PDGFRA: variants seen among roughly 807,000 people sequenced by gnomAD.
PDGFRA encodes the protein platelet derived growth factor receptor alpha.
Under a neutral mutation model 121.5 loss-of-function variants are expected in PDGFRA, and 25 were observed. That is an observed-to-expected ratio of 0.21 (90% CI 0.15 to 0.29). The LOEUF is 0.29. Ranked by LOEUF, PDGFRA falls within the 10% of genes least tolerant of loss-of-function variation. The pLI, the probability that PDGFRA is intolerant of heterozygous loss-of-function variation, is 1.00. For missense variants in PDGFRA, 1,008 were observed against 1,345.1 expected (o/e 0.75, Z 3.92); for synonymous variants, 463 against 494.8 (o/e 0.94, Z 0.85).
chr4:54,246,963 A>G (rs1577684420), intron 1 of PDGFRA, among the ~76,000 whole-genome samples: 1 of 152,202 alleles, frequency 6.6e-6, no homozygotes, highest in East Asian at 1.9e-4. Context: ...AAACTAGAAA[A>G]TCTAGAAGAA....
Position 54,295,179 on chromosome 4 carries a change from C to T in PDGFRA, c.3177C>T (p.Phe1059=), listed in dbSNP as rs995196679. ...AIETGSSSST[F]IKREDETIED... ...AGACGGGTTCCAGCAGTTCCACCTT[C>T]ATCAAGAGAGAGGACGAGACCATTG... is the stretch of plus-strand genomic sequence containing the variant. Residue 1059 remains phenylalanine (F), a synonymous_variant, in exon 23 of 23, where the codon TTC becomes TTT. Transcript: ENST00000257290. 5.6e-6 allele frequency: 9 copies of T among 1,613,956 alleles called. No homozygotes were observed. Among genetic ancestry groups the T allele is most frequent in the Non-Finnish European group, 6.8e-6 (8 of 1,179,850 alleles).
At chr4:54,279,449 T>G (rs2110320321) in intron 15 of PDGFRA, among the ~76,000 whole-genome samples, 1 of 152,266 alleles carries the variant, frequency 6.6e-6, no homozygotes. Context: ...ATCAAGTCAT[T>G]TTCCTTACAA....
intron 7 of PDGFRA, among the ~76,000 whole-genome samples, chr4:54,270,065 C>T (rs1226900026): frequency 6.6e-6 from 1 of 152,078 alleles, no homozygotes; most frequent in Non-Finnish European, 1.5e-5. Context: ...CCCAGTTCTC[C>T]CCTCCTCCCC....
At chr4:54,240,406 G>A (rs1721238315) in intron 1 of PDGFRA, among the ~76,000 whole-genome samples, 1 of 152,146 alleles carries the variant, frequency 6.6e-6, no homozygotes. Context: ...TTGGCATTTG[G>A]TGTGGGGACC....
In PDGFRA at chr4:54,263,874, C is replaced by G. The variant is rs1273444748; in HGVS notation, c.575C>G (p.Thr192Ser). 6.2e-7 allele frequency: 1 copy of G among 1,613,908 alleles called. No individual in the cohort carries two copies. The change falls in exon 4 of 23, where the codon ACC becomes AGC. Residue 192 changes from threonine (T) to serine (S), a missense_variant. Thr to Ser is a moderately conservative substitution (Grantham distance 58, BLOSUM62 1). Coordinates refer to ENST00000257290, the MANE Select transcript of PDGFRA (RefSeq NM_006206.6). Reference sequence around the variant, plus strand: ...GTAGGGCCCTATATCTGTGAGGCCACCGTCAAAGGAAAGAAGTTCCAGACC... The same window carrying G: ...GTAGGGCCCTATATCTGTGAGGCCAGCGTCAAAGGAAAGAAGTTCCAGACC... ...FTVGPYICEA[T>S]VKGKKFQTIP...
intron 22 of PDGFRA, among the ~76,000 whole-genome samples, chr4:54,294,799 C>T (rs1461061786): frequency 6.6e-6 from 1 of 152,230 alleles, no homozygotes; most frequent in Admixed American, 6.5e-5. Context: ...TCACCCCCTG[C>T]TCTGCCTTCC....
intron 21 of PDGFRA, among the ~76,000 whole-genome samples, chr4:54,289,768 T>C (rs1281012240): frequency 6.6e-6 from 1 of 152,228 alleles, no homozygotes; most frequent in Non-Finnish European, 1.5e-5. Flanking sequence ...GTCTGTTAAT[T>C]ATCTCACTGC....
intron 1 of PDGFRA, among the ~76,000 whole-genome samples, chr4:54,257,050 A>G (rs1722412317): frequency 6.6e-6 from 1 of 152,130 alleles, no homozygotes; most frequent in South Asian, 2.1e-4. Flanking sequence ...AAAAAACCCC[A>G]AAAACCTAGG....
intron 8 of PDGFRA, among the ~76,000 whole-genome samples, chr4:54,271,956 C>CA (rs1457384466): frequency 1.3e-3 from 11 of 8,314 alleles, no homozygotes; most frequent in Non-Finnish European, 2.1e-3. Context: ...TTCCTTCATT[C>CA]TCCCCTCCCC....
At chr4:54,274,671 A>G (rs2110297585) in intron 11 of PDGFRA, 46 bp downstream of exon 11, 1 of 1,517,020 alleles carries the variant, frequency 6.6e-7, no homozygotes, top group Non-Finnish European at 9.2e-7. Context: ...GCCAATGAGA[A>G]CAAGCATAGC....
At position 54,281,748 on chromosome 4, in the gene PDGFRA, G is replaced by A. The variant is rs183893622; in HGVS notation, c.2323+1266G>A. 1.3e-5 allele frequency: 18 copies of A among 1,352,026 alleles called. No homozygotes were observed. In the East Asian group the frequency reaches 4.2e-4, roughly 32 times the overall value. 83.8% of individuals were successfully genotyped at this position (1,352,026 alleles called of 1,614,324 possible). On this transcript the variant is annotated intron_variant, in intron 16 of 22. Coordinates refer to ENST00000257290, the MANE Select transcript of PDGFRA (RefSeq NM_006206.6). ...TTGCTGAACATTTTCAAAAAGAATT[G>A]AGAACTTCTGGATTAAATTGCCTTC... is the stretch of plus-strand genomic sequence containing the variant.
chr4:54,263,625 A>G (rs759824391), intron 3 of PDGFRA, 42 bp from the exon 4 acceptor site: 3 of 1,598,246 alleles, frequency 1.9e-6, no homozygotes, highest in South Asian at 2.2e-5. Flanking sequence ...GTAAAGGTGA[A>G]ATTAATGTCT....
chr4:54,280,607 T>G (rs947622208), intron 16 of PDGFRA, 125 bp downstream of exon 16: 68 of 741,982 alleles, frequency 9.2e-5, no homozygotes, highest in Middle Eastern at 5.3e-4. Flanking sequence ...GGTCTCTAAA[T>G]GCAGGTCTGC....
Position 54,273,585 on chromosome 4 carries a change from C to T in PDGFRA, c.1413C>T (p.Asn471=), listed in dbSNP as rs2110291733. The part of the protein sequence containing the change: ...SWTILANNVS[N]IITEIHSRDR... ...CTATTTTGGCCAACAATGTCTCAAA[C>T]ATCATCACGGAGATCCACTCCCGAG... Residue 471 remains asparagine (N), a synonymous_variant, in exon 10 of 23, where the codon AAC becomes AAT. Transcript: ENST00000257290. 2 of 1,614,136 alleles carry T rather than the reference C, an allele frequency of 1.2e-6. No individual in the cohort carries two copies. The highest frequency in any genetic ancestry group is 1.7e-6 in the Non-Finnish European group (2 of 1,180,000).
At chr4:54,271,058 C>T (rs1273334216) in intron 8 of PDGFRA, among the ~76,000 whole-genome samples, 1 of 152,136 alleles carries the variant, frequency 6.6e-6, no homozygotes, top group Non-Finnish European at 1.5e-5. Flanking sequence ...CCACCTTGGC[C>T]TCTCAAAGTA....
chr4:54,287,863 T>G (rs530245985), intron 19 of PDGFRA, among the ~76,000 whole-genome samples: 1 of 152,266 alleles, frequency 6.6e-6, no homozygotes, highest in Non-Finnish European at 1.5e-5. Context: ...CATTTTGGGC[T>G]TTGGGTCACA....
In PDGFRA at chr4:54,289,170, G is replaced by A. The variant is rs141211639; in HGVS notation, c.2880+56G>A. 1.5e-5 allele frequency: 15 copies of A among 988,998 alleles called. No homozygotes were observed. In the East Asian group the frequency reaches 3.6e-4, roughly 24 times the overall value. The allele number at this position is 988,998 out of a possible 1,614,324, so 61.3% of individuals were successfully genotyped here. A position where few individuals can be genotyped will look rare whatever the true frequency, so the allele number is the denominator to read the frequency against. ...GGATAAAGCTGGAAGTTATACCAGT[G>A]AGCTGTGCTGTTCCGCAGTTCTAGA... On this transcript the variant is annotated intron_variant, in intron 21 of 22. Transcript: ENST00000257290.
At chr4:54,231,023 C>G (rs1360070107) in intron 1 of PDGFRA, among the ~76,000 whole-genome samples, 1 of 152,198 alleles carries the variant, frequency 6.6e-6, no homozygotes, top group Non-Finnish European at 1.5e-5. Context: ...GCCAGGTGTG[C>G]GAGAGCTGCC....
At chr4:54,262,996 T>A (rs915116813) in intron 3 of PDGFRA, among the ~76,000 whole-genome samples, 2 of 152,228 alleles carry the variant, frequency 1.3e-5, no homozygotes, top group African/African-American at 2.4e-5. Flanking sequence ...TGTTTGAGAC[T>A]GTTAGAACTT....
Sources: gnomAD v4.1 joint callset for allele counts (sites outside exome capture counted in the v4.1 genomes callset) on GRCh38, gnomAD v4.1.1 for gene constraint, MANE v1.5 for transcripts, NCBI Gene and HGNC (gene_info 2026-07-23, HGNC 2026-07-21) for gene names.